LDLRAD3: variants seen among roughly 807,000 people sequenced by gnomAD.
LDLRAD3 encodes the protein low-density lipoprotein receptor class A domain-containing protein 3.
Under a neutral mutation model 29.4 loss-of-function variants are expected in LDLRAD3, and 20 were observed. That is an observed-to-expected ratio of 0.68 (90% CI 0.48 to 0.99). The LOEUF (loss-of-function observed/expected upper bound fraction) is 0.99, where lower values mean the gene tolerates loss of function less well. LDLRAD3 is among the 50% of genes least tolerant of loss of function. The probability of loss-of-function intolerance (pLI) is 0.00; values close to 1 mark genes in which losing one functional copy is unlikely to be tolerated. For missense variants in LDLRAD3, 420 were observed against 454.3 expected (o/e 0.92, Z 0.69); for synonymous variants, 157 against 192.7 (o/e 0.81, Z 1.53).
chr11:36,038,117 T>C (rs1852327836), intron 2 of LDLRAD3, among the ~76,000 whole-genome samples: 1 of 152,088 alleles, frequency 6.6e-6, no homozygotes, highest in South Asian at 2.1e-4. Context: ...CAGGTTGCTC[T>C]TGAACCCCTG....
intron 5 of LDLRAD3, among the ~76,000 whole-genome samples, chr11:36,228,849 C>T (rs190740324): frequency 6.6e-6 from 1 of 152,198 alleles, no homozygotes; most frequent in Non-Finnish European, 1.5e-5. Flanking sequence ...GCTGATGGAG[C>T]AGAGTGGCAA....
intron 4 of LDLRAD3, among the ~76,000 whole-genome samples, chr11:36,191,576 C>CTCTCTCTATATATATATATA (rs377747518): frequency 1.9e-5 from 1 of 53,440 alleles, no homozygotes; most frequent in African/African-American, 8.3e-5. Context: ...CTCTCTCTCT[C>CTCTCTCTATATATATATATA]TATATATATA....
At chr11:36,005,233 A>G in intron 1 of LDLRAD3, among the ~76,000 whole-genome samples, 1 of 152,300 alleles carries the variant, frequency 6.6e-6, no homozygotes, top group South Asian at 2.1e-4. Context: ...AATTTCAGAT[A>G]ATCTCTTTGT....
intron 4 of LDLRAD3, among the ~76,000 whole-genome samples, chr11:36,145,141 A>G (rs74357380): frequency 2.5e-4 from 24 of 97,438 alleles, no homozygotes; most frequent in African/African-American, 8.5e-4. Flanking sequence ...CAGCTGCCCC[A>G]TCTGGGAGGG....
chr11:36,187,993 A>C (rs1343205138), intron 4 of LDLRAD3, among the ~76,000 whole-genome samples: 1 of 152,162 alleles, frequency 6.6e-6, no homozygotes, highest in Non-Finnish European at 1.5e-5. Flanking sequence ...AGAACCCTGA[A>C]AGTACATAGG....
At chr11:36,155,367 A>C (rs1284554911) in intron 4 of LDLRAD3, among the ~76,000 whole-genome samples, 1 of 152,124 alleles carries the variant, frequency 6.6e-6, no homozygotes, top group Non-Finnish European at 1.5e-5. Context: ...AGAAATTCCA[A>C]ATTATTTTCT....
intron 1 of LDLRAD3, among the ~76,000 whole-genome samples, chr11:35,964,619 G>A (rs183955338): frequency 5.3e-5 from 8 of 152,244 alleles, no homozygotes; most frequent in Admixed American, 5.2e-4. Flanking sequence ...CAGGCTAGAG[G>A]GAAGAAGGCC....
chr11:36,189,785 G>A (rs1854912637), intron 4 of LDLRAD3, among the ~76,000 whole-genome samples: 1 of 151,332 alleles, frequency 6.6e-6, no homozygotes, highest in African/African-American at 2.4e-5. Flanking sequence ...GTGTCCAAAT[G>A]TTCTCATTGT....
At chr11:36,076,875 A>G (rs1853019908) in intron 2 of LDLRAD3, among the ~76,000 whole-genome samples, 1 of 152,060 alleles carries the variant, frequency 6.6e-6, no homozygotes, top group African/African-American at 2.4e-5. Flanking sequence ...TATGGAATCT[A>G]GTCAACATAC....
In LDLRAD3 at chr11:35,944,792, C is replaced by T. The variant is rs564891926; in HGVS notation, c.46+648C>T. Among the ~76,000 whole-genome samples, 9 of 152,316 alleles carry T rather than the reference C, an allele frequency of 5.9e-5. No individual in the cohort carries two copies. The East Asian group carries it at 1.7e-3, about 29-fold the overall frequency. On this transcript the variant is annotated intron_variant, in intron 1 of 5. Transcript: ENST00000315571. This position sits in a 1 kb window ranked among gnomAD's most constrained non-coding sequence, Gnocchi z 4.9. ...TAAGACGTCTGACCACCCTACTTGC[C>T]CCGCGATGGGCGCCCTGACCGGCGA... is the stretch of plus-strand genomic sequence containing the variant.
intron 1 of LDLRAD3, among the ~76,000 whole-genome samples, chr11:36,033,503 C>G (rs1852265185): frequency 6.6e-6 from 1 of 152,218 alleles, no homozygotes; most frequent in South Asian, 2.1e-4. Context: ...TTTATCAGAA[C>G]AAGATTTCAC....
At chr11:36,173,653 G>A (rs558637762) in intron 4 of LDLRAD3, among the ~76,000 whole-genome samples, 2 of 152,146 alleles carry the variant, frequency 1.3e-5, no homozygotes, top group East Asian at 3.9e-4. Flanking sequence ...ACATACATTT[G>A]CATGTGTCTT....
intron 1 of LDLRAD3, chr11:35,968,007 CT>C (rs1851363680): frequency 2.3e-6 from 1 of 442,272 alleles, no homozygotes. Flanking sequence ...TCTATCCAGG[CT>C]TTTAATGCAC....
intron 4 of LDLRAD3, among the ~76,000 whole-genome samples, chr11:36,226,016 G>A (rs1179035341): frequency 3.3e-5 from 5 of 152,038 alleles, no homozygotes; most frequent in African/African-American, 9.7e-5. Context: ...TGAGTGCACC[G>A]AGATTGTGCC....
chr11:36,215,515 C>G (rs1403594015), intron 4 of LDLRAD3, among the ~76,000 whole-genome samples: 2 of 152,216 alleles, frequency 1.3e-5, no homozygotes, highest in East Asian at 3.9e-4. Flanking sequence ...GTGCAGAGTC[C>G]CGTTTGGCAT....
At chr11:35,960,361 G>A (rs1851260688) in intron 1 of LDLRAD3, among the ~76,000 whole-genome samples, 1 of 152,154 alleles carries the variant, frequency 6.6e-6, no homozygotes, top group Non-Finnish European at 1.5e-5. Flanking sequence ...GTGCATAATA[G>A]CAGGACTTTC....
chr11:36,093,582 C>T (rs1178698380), intron 3 of LDLRAD3, among the ~76,000 whole-genome samples: 1 of 152,166 alleles, frequency 6.6e-6, no homozygotes, highest in African/African-American at 2.4e-5. Flanking sequence ...CAGGTACCTC[C>T]ACAGGCAGTG....
chr11:36,189,874 C>T (rs1854914614), intron 4 of LDLRAD3, among the ~76,000 whole-genome samples: 1 of 152,112 alleles, frequency 6.6e-6, no homozygotes, highest in South Asian at 2.1e-4. Flanking sequence ...TGATGACTTC[C>T]AGCTTCATCC....
chr11:36,113,219 A>G lies in LDLRAD3; in HGVS notation c.454+14758A>G, dbSNP rs188353667. Among the ~76,000 whole-genome samples, 615 of 151,842 alleles carry G rather than the reference A, an allele frequency of 4.1e-3. 4 individuals are homozygous for G. Among genetic ancestry groups the G allele is most frequent in the Middle Eastern group, 0.01 (3 of 294 alleles). ...AGAACATAGGGTAAGCTGCCATAACAAAGAGATCCCATCGTGAAGTGGCTA... is the reference window on the plus strand; with the variant it reads ...AGAACATAGGGTAAGCTGCCATAACGAAGAGATCCCATCGTGAAGTGGCTA... On this transcript the variant is annotated intron_variant, in intron 4 of 5. Coordinates refer to ENST00000315571, the MANE Select transcript of LDLRAD3 (RefSeq NM_174902.4).
Sources: gnomAD v4.1 joint callset for allele counts (sites outside exome capture counted in the v4.1 genomes callset) on GRCh38, gnomAD v4.1.1 for gene constraint, Gnocchi (gnomAD v3.1) non-coding constraint, MANE v1.5 for transcripts, NCBI Gene and HGNC (gene_info 2026-07-23, HGNC 2026-07-21) for gene names.